CACNA1E: variants seen among roughly 807,000 people sequenced by gnomAD.
The protein encoded by CACNA1E is voltage-dependent R-type calcium channel subunit alpha-1E.
Under a neutral mutation model 259.2 loss-of-function variants are expected in CACNA1E, and 40 were observed. That is an observed-to-expected ratio of 0.15 (90% CI 0.12 to 0.20). The LOEUF (loss-of-function observed/expected upper bound fraction) is 0.20, where lower values mean the gene tolerates loss of function less well. Among genes scored for constraint, CACNA1E ranks in the 10% least tolerant of loss-of-function variants. CACNA1E has a pLI of 1.00. For missense variants in CACNA1E, 1,874 were observed against 3,040.1 expected, an observed-to-expected ratio of 0.62 and a Z score of 9.02; for synonymous variants, 1,104 against 1,138.5, an observed-to-expected ratio of 0.97 and a Z score of 0.61.
chr1:181,574,480 A>T (rs1169217379), intron 3 of CACNA1E, among the ~76,000 whole-genome samples: 2 of 152,174 alleles, frequency 1.3e-5, no homozygotes, highest in African/African-American at 4.8e-5. Context: ...CAAATTTATT[A>T]ATTTAATCAG....
At chr1:181,580,930 G>A (rs1035596260) in intron 6 of CACNA1E, among the ~76,000 whole-genome samples, 154 bp downstream of exon 6, 2 of 152,210 alleles carry the variant, frequency 1.3e-5, no homozygotes, top group African/African-American at 2.4e-5. Flanking sequence ...ATAAGCCTTA[G>A]CAGTTCATAA....
chr1:181,800,342 AAG>A lies in CACNA1E; in HGVS notation c.*1511_*1512del, dbSNP rs891732410. On this transcript the variant is annotated 3_prime_UTR_variant, in exon 48 of 48. Coordinates refer to ENST00000367573, the MANE Select transcript of CACNA1E (RefSeq NM_001205293.3). ...ATGGGGCTTCACCCCTCCCCAGAGTAAGAGCTGGGGCTGACAGTCCCACCCTG... is the reference window on the plus strand; with the variant it reads ...ATGGGGCTTCACCCCTCCCCAGAGTAAGCTGGGGCTGACAGTCCCACCCTG... The A allele has an allele frequency of 6.6e-6, 1 of 152,624 alleles. No homozygotes were observed. Among genetic ancestry groups the A allele is most frequent in the African/African-American group, 2.4e-5 (1 of 41,442 alleles). 9.5% of individuals were successfully genotyped at this position (152,624 alleles called of 1,614,324 possible). A position where few individuals can be genotyped will look rare whatever the true frequency, so the allele number is the denominator to read the frequency against.
chr1:181,542,288 C>T (rs1451467536), intron 3 of CACNA1E, among the ~76,000 whole-genome samples: 4 of 152,096 alleles, frequency 2.6e-5, no homozygotes, highest in Admixed American at 6.5e-5. Flanking sequence ...TTTTAAGCCA[C>T]GAAGCTTGCT....
intron 3 of CACNA1E, among the ~76,000 whole-genome samples, chr1:181,556,170 C>T (rs1273662341): frequency 6.6e-6 from 1 of 152,076 alleles, no homozygotes; most frequent in African/African-American, 2.4e-5. Context: ...GCTTCAAATT[C>T]GTTATAGACT....
At chr1:181,794,733 C>G (rs1661637384) in intron 45 of CACNA1E, 131 bp from the exon 46 acceptor site, 2 of 699,652 alleles carry the variant, frequency 2.9e-6, no homozygotes, top group Non-Finnish European at 4.8e-6. Flanking sequence ...AAGAGAGATT[C>G]AAGGGAAGTT....
chr1:181,326,283 G>A (rs958708603), intron 1 of CACNA1E, among the ~76,000 whole-genome samples: 1 of 152,184 alleles, frequency 6.6e-6, no homozygotes, highest in Non-Finnish European at 1.5e-5. Context: ...TCTTGACTTC[G>A]AAACCAGAAT....
At chr1:181,351,080 A>G (rs147201732) in intron 1 of CACNA1E, among the ~76,000 whole-genome samples, 19 of 152,366 alleles carry the variant, frequency 1.2e-4, no homozygotes, top group African/African-American at 4.3e-4. Context: ...TTCAGAGGTG[A>G]CATTTAGGTT....
chr1:181,761,791 A>AGAT (rs1658602591), intron 32 of CACNA1E, among the ~76,000 whole-genome samples: 1 of 152,194 alleles, frequency 6.6e-6, no homozygotes, highest in Admixed American at 6.5e-5. Context: ...TGAGCCTAGG[A>AGAT]GATGGATGCA....
chr1:181,649,147 C>T (rs1412282577), intron 6 of CACNA1E, among the ~76,000 whole-genome samples: 3 of 152,158 alleles, frequency 2.0e-5, no homozygotes, highest in Non-Finnish European at 4.4e-5. Context: ...GCATCTAGTT[C>T]CTTTGGATCT....
At chr1:181,746,215 G>A (rs1657068927) in intron 25 of CACNA1E, among the ~76,000 whole-genome samples, 2 of 152,226 alleles carry the variant, frequency 1.3e-5, no homozygotes, top group Non-Finnish European at 2.9e-5. Context: ...CACAGAAGCA[G>A]ATGAACATAT....
At chr1:181,359,965 C>A (rs1353997723) in intron 1 of CACNA1E, among the ~76,000 whole-genome samples, 1 of 152,208 alleles carries the variant, frequency 6.6e-6, no homozygotes, top group East Asian at 1.9e-4. Flanking sequence ...CATTGCTGCC[C>A]AGCCTTACTT....
chr1:181,706,072 T>A (rs999619548), intron 7 of CACNA1E, among the ~76,000 whole-genome samples: 1 of 152,124 alleles, frequency 6.6e-6, no homozygotes, highest in Non-Finnish European at 1.5e-5. Flanking sequence ...CAATTACCTA[T>A]CCTCTTACCT....
rs374944539 is a variant in CACNA1E at position 181,781,427 on chromosome 1, T to C, written c.5268T>C (p.Cys1756=). The C allele has an allele frequency of 1.9e-6, 3 of 1,552,944 alleles. No individual in the cohort carries two copies. The African/African-American group carries it at 4.1e-5, about 21-fold the overall frequency. ...RVWAEYDRAA[C]GRIHYTEMYE... ...CCAACTCACCACCCTCCATGAGCAG[T>C]GGCCGCATCCATTACACTGAGATGT... is the stretch of plus-strand genomic sequence containing the variant. Residue 1756 remains cysteine (C), a splice_region_variant and synonymous_variant, in exon 39 of 48, where the codon TGT becomes TGC. Transcript: ENST00000367573.
At chr1:181,461,770 A>AT (rs893427255) in intron 2 of CACNA1E, among the ~76,000 whole-genome samples, 197 of 144,462 alleles carry the variant, frequency 1.4e-3, no homozygotes, top group African/African-American at 2.0e-3. Flanking sequence ...CCCATCTTAG[A>AT]TTTTTTTTTT....
At chr1:181,456,606 C>T (rs947095353) in intron 2 of CACNA1E, among the ~76,000 whole-genome samples, 4 of 152,208 alleles carry the variant, frequency 2.6e-5, no homozygotes, top group Admixed American at 2.6e-4. Context: ...TTTTTTTACG[C>T]CTCCCTCTGG....
chr1:181,634,363 T>G (rs2101961643), intron 6 of CACNA1E, among the ~76,000 whole-genome samples: 1 of 152,334 alleles, frequency 6.6e-6, no homozygotes, highest in Admixed American at 6.5e-5. Flanking sequence ...CATAGTTTAT[T>G]GATTCAGCGT....
chr1:181,694,225 G>A (rs575670281), intron 7 of CACNA1E, among the ~76,000 whole-genome samples: 6 of 152,168 alleles, frequency 3.9e-5, no homozygotes, highest in African/African-American at 1.2e-4. Flanking sequence ...TCAAGTTAAT[G>A]TACTACATTA....
chr1:181,661,855 T>C (rs932873307), intron 7 of CACNA1E, among the ~76,000 whole-genome samples: 1 of 152,172 alleles, frequency 6.6e-6, no homozygotes, highest in African/African-American at 2.4e-5. Context: ...GATTCAGAAT[T>C]TGGACTGAGA....
chr1:181,409,424 A>G (rs1191298273), intron 1 of CACNA1E, among the ~76,000 whole-genome samples: 1 of 152,202 alleles, frequency 6.6e-6, no homozygotes, highest in Non-Finnish European at 1.5e-5. Flanking sequence ...GCCAGGAAGT[A>G]CATCCTACTG....
Sources: gnomAD v4.1 joint callset for allele counts (sites outside exome capture counted in the v4.1 genomes callset) on GRCh38, gnomAD v4.1.1 for gene constraint, MANE v1.5 for transcripts, NCBI Gene and HGNC (gene_info 2026-07-23, HGNC 2026-07-21) for gene names.